Variants in ANKRD36 observed in about 807,000 individuals in gnomAD.
ANKRD36 encodes ankyrin repeat domain 36.
In ANKRD36, 179 loss-of-function variants were observed where a neutral mutation model predicts 278.1. The observed-to-expected ratio is 0.64, with a 90% CI of 0.57 to 0.73. The LOEUF is 0.73. Ranked by LOEUF, ANKRD36 falls within the 30% of genes least tolerant of loss-of-function variation. The pLI is 0.00. For synonymous variants in ANKRD36, 320 were observed against 641.1 expected, an observed-to-expected ratio of 0.50 and a Z score of 7.57; for missense variants, 1,159 against 1,956.7, an observed-to-expected ratio of 0.59 and a Z score of 7.69.
rs1273072828 is a variant in ANKRD36, at chr2:97,164,312, G to A, written c.1458+1G>A. ...TCCTGAGCAACCGCCTTTATTCACG[G>A]TAAACATATTTTCTTTAATTATTAA... On this transcript the variant is annotated splice_donor_variant, in intron 19 of 75. Coordinates refer to ENST00000420699, the MANE Select transcript of ANKRD36 (RefSeq NM_001354587.1). LOFTEE classifies it high-confidence loss of function. 2.0e-6 allele frequency: 3 copies of A among 1,535,534 alleles called. No homozygotes were observed. Among genetic ancestry groups the A allele is most frequent in the Admixed American group, 2.0e-5 (1 of 50,826 alleles).
chr2:97,179,823 C>T (rs901989931), intron 23 of ANKRD36, 38 bp from the exon 24 acceptor site: 1 of 1,600,360 alleles, frequency 6.2e-7, no homozygotes, highest in Non-Finnish European at 8.5e-7. Context: ...ATGAAACCTA[C>T]TTTACATATT....
At chr2:97,228,848 AT>A (rs1294860092) in intron 67 of ANKRD36, among the ~76,000 whole-genome samples, 2 of 151,674 alleles carry the variant, frequency 1.3e-5, no homozygotes, top group Non-Finnish European at 2.9e-5. Context: ...CTTTGTTCTC[AT>A]TGGTTTCAAA....
intron 22 of ANKRD36, among the ~76,000 whole-genome samples, chr2:97,173,858 T>A (rs2053425806): frequency 1.3e-5 from 2 of 151,548 alleles, no homozygotes; most frequent in South Asian, 4.2e-4. Flanking sequence ...TTTGTTCACA[T>A]CAGATTTTTG....
rs547361661 is a variant in ANKRD36 at position 97,222,746 on chromosome 2, C to A, written c.3878-2060C>A. Among the ~76,000 whole-genome samples, 9 of 152,196 alleles carry A rather than the reference C, an allele frequency of 5.9e-5. 1 individual carries two copies. In the South Asian group the frequency reaches 1.9e-3, roughly 32 times the overall value. ...AAGGTACTACTGCTAAATTAAGAGG[C>A]TTTCCTCTTCATTTGTGGTGGGAAT... On this transcript the variant is annotated intron_variant, in intron 66 of 75. Coordinates refer to ENST00000420699, the MANE Select transcript of ANKRD36 (RefSeq NM_001354587.1).
intron 6 of ANKRD36, among the ~76,000 whole-genome samples, chr2:97,132,655 C>T: frequency 6.6e-6 from 1 of 151,972 alleles, no homozygotes; most frequent in African/African-American, 2.4e-5. Context: ...TTCCCAAGAC[C>T]ACCTCTGTGT....
At chr2:97,227,470 G>T (rs1307174834) in intron 67 of ANKRD36, among the ~76,000 whole-genome samples, 1 of 152,102 alleles carries the variant, frequency 6.6e-6, no homozygotes, top group Non-Finnish European at 1.5e-5. Flanking sequence ...TTTTTACATT[G>T]ATTTTGTATC....
chr2:97,187,114 C>T (rs1324569165), intron 30 of ANKRD36, 84 bp from the exon 31 acceptor site: 15 of 1,583,702 alleles, frequency 9.5e-6, no homozygotes, highest in South Asian at 5.7e-5. Flanking sequence ...CAGGCGGATA[C>T]AGCTTGATGC....
At chr2:97,138,675 A>C (rs1016646079) in intron 6 of ANKRD36, among the ~76,000 whole-genome samples, 67 of 152,038 alleles carry the variant, frequency 4.4e-4, no homozygotes, top group Admixed American at 1.4e-3. Context: ...ATGCTACCTG[A>C]CTTCAAAATA....
chr2:97,132,194 G>A (rs2040357998), intron 6 of ANKRD36, among the ~76,000 whole-genome samples: 1 of 150,964 alleles, frequency 6.6e-6, no homozygotes, highest in South Asian at 2.1e-4. Flanking sequence ...TTGTTCACAG[G>A]CACAATCTCC....
chr2:97,173,616 A>T (rs985207688), intron 22 of ANKRD36, among the ~76,000 whole-genome samples: 1 of 151,856 alleles, frequency 6.6e-6, no homozygotes, highest in African/African-American at 2.4e-5. Flanking sequence ...GTGGAGGTCA[A>T]AGAATCAAGT....
intron 22 of ANKRD36, among the ~76,000 whole-genome samples, chr2:97,171,635 G>A (rs2052556167): frequency 7.0e-6 from 1 of 143,546 alleles, no homozygotes; most frequent in Non-Finnish European, 1.5e-5. Flanking sequence ...GCACCAGCAT[G>A]GCACATGTAT....
At chr2:97,231,610 C>T (rs1461519509) in intron 67 of ANKRD36, among the ~76,000 whole-genome samples, 2 of 152,112 alleles carry the variant, frequency 1.3e-5, no homozygotes, top group Non-Finnish European at 2.9e-5. Context: ...GCCTCACCCT[C>T]CTTTGGGTCA....
In ANKRD36 at chr2:97,211,705, G is replaced by A. The variant is rs1463765853; in HGVS notation, c.3433G>A (p.Ala1145Thr). 1 of 1,591,560 alleles carries A rather than the reference G, an allele frequency of 6.3e-7. No individual in the cohort carries two copies. ...CAAGGAAGATTCTGTTCCGAATATG[G>A]CCACGGAAAAAAAGGATGAACAAAT... is the stretch of plus-strand genomic sequence containing the variant. ...CDKEDSVPNM[A>T]TEKKDEQISG... Residue 1145 changes from alanine to threonine, a missense_variant, in exon 58 of 76, where the codon GCC becomes ACC. Physicochemically the swap from Ala to Thr is moderately conservative, Grantham distance 58. Coordinates refer to ENST00000420699, the MANE Select transcript of ANKRD36 (RefSeq NM_001354587.1).
chr2:97,198,395 T>C (rs2060396581), intron 42 of ANKRD36, 68 bp from the exon 43 acceptor site: 8 of 1,550,734 alleles, frequency 5.2e-6, no homozygotes, highest in Admixed American at 2.0e-5. Context: ...ATGCTAACAC[T>C]GTATGAATGT....
chr2:97,194,583 G>C, intron 38 of ANKRD36, 143 bp from the exon 39 acceptor site: 4 of 1,411,828 alleles, frequency 2.8e-6, no homozygotes, highest in Middle Eastern at 2.5e-4. Context: ...GACATGTTCT[G>C]GTCCCCAGAC....
At chr2:97,170,113 C>A (rs539458702) in intron 22 of ANKRD36, among the ~76,000 whole-genome samples, 2 of 150,692 alleles carry the variant, frequency 1.3e-5, no homozygotes, top group Non-Finnish European at 2.9e-5. Context: ...GCCTCAGAAG[C>A]AACACCATAC....
chr2:97,185,385 T>G (rs1267647434), intron 29 of ANKRD36, 41 bp downstream of exon 29: 1 of 1,608,974 alleles, frequency 6.2e-7, no homozygotes, highest in Non-Finnish European at 8.5e-7. Flanking sequence ...AGTAACTGTA[T>G]AGTCCATGAA....
At chr2:97,237,226 T>G (rs2073682307) in intron 68 of ANKRD36, among the ~76,000 whole-genome samples, 1 of 151,546 alleles carries the variant, frequency 6.6e-6, no homozygotes, top group South Asian at 2.1e-4. Flanking sequence ...GGTTCAGATA[T>G]TTTTTTGTAT....
intron 67 of ANKRD36, among the ~76,000 whole-genome samples, chr2:97,225,796 C>A (rs1399380326): frequency 6.8e-6 from 1 of 146,498 alleles, no homozygotes; most frequent in African/African-American, 2.5e-5. Context: ...CCACAACAGT[C>A]CCCAGAGTGT....
Sources: gnomAD v4.1 joint callset for allele counts (sites outside exome capture counted in the v4.1 genomes callset) on GRCh38, gnomAD v4.1.1 for gene constraint, MANE v1.5 for transcripts, NCBI Gene and HGNC (gene_info 2026-07-23, HGNC 2026-07-21) for gene names.